The following SPATA9 variants were observed in gnomAD, a reference collection of about 807,000 sequenced individuals.
SPATA9 encodes spermatogenesis-associated protein 9.
SPATA9 carries 27 observed loss-of-function variants against 25.5 expected under a neutral mutation model. The observed-to-expected ratio is 1.06, with a 90% CI of 0.78 to 1.46. The LOEUF (loss-of-function observed/expected upper bound fraction) is 1.46, where lower values mean the gene tolerates loss of function less well. Ranked by LOEUF, SPATA9 falls within the 40% of genes most tolerant of loss-of-function variation. The pLI is 0.00. For synonymous variants in SPATA9, 102 were observed against 105.7 expected (o/e 0.97, Z 0.21); for missense variants, 282 against 297.5 (o/e 0.95, Z 0.38).
intron 4 of SPATA9, among the ~76,000 whole-genome samples, chr5:95,663,548 A>T (rs1432947911): frequency 6.6e-6 from 1 of 152,112 alleles, no homozygotes; most frequent in African/African-American, 2.4e-5. Flanking sequence ...AAAATCTTTT[A>T]TATTTTTCTC....
At chr5:95,713,648 GT>G in the SPATA9 span, 4 of 152,212 alleles carry the variant, frequency 2.6e-5, no homozygotes, top group East Asian at 7.7e-4. Context: ...TGTCTTTATA[GT>G]GTGTGAGAAG....
At chr5:95,727,132 T>C in the SPATA9 span, among the ~76,000 whole-genome samples, 3 of 152,220 alleles carry the variant, frequency 2.0e-5, no homozygotes, top group South Asian at 2.1e-4. Flanking sequence ...AAAATGAATA[T>C]GAAACTTTAA....
the SPATA9 span, chr5:95,731,169 C>T: frequency 9.9e-7 from 1 of 1,009,358 alleles, no homozygotes; most frequent in East Asian, 1.1e-4. Flanking sequence ...CCTTTGTGTC[C>T]AGCCGCCGCC....
At chr5:95,706,316 C>A in the SPATA9 span, among the ~76,000 whole-genome samples, 1 of 151,730 alleles carries the variant, frequency 6.6e-6, no homozygotes. Context: ...GGTGGATTTC[C>A]CCCTTGCTGA....
the SPATA9 span, among the ~76,000 whole-genome samples, chr5:95,723,728 C>T: frequency 6.6e-6 from 1 of 152,146 alleles, no homozygotes; most frequent in Admixed American, 6.5e-5. Flanking sequence ...CCTTTACTTC[C>T]TGTCTCGCAG....
intron 3 of SPATA9, chr5:95,674,724 T>C (rs1383564540): frequency 2.2e-6 from 1 of 456,062 alleles, no homozygotes; most frequent in East Asian, 7.0e-5. Flanking sequence ...CAGCTCTGGG[T>C]TGTTTATGGG....
chr5:95,680,576 A>G (rs960043163), intron 2 of SPATA9, among the ~76,000 whole-genome samples: 1 of 152,014 alleles, frequency 6.6e-6, no homozygotes, highest in African/African-American at 2.4e-5. Flanking sequence ...AAACAATGGC[A>G]TTGTCGGGGG....
upstream of SPATA9, chr5:95,683,029 A>T: frequency 7.9e-7 from 1 of 1,259,786 alleles, no homozygotes; most frequent in Non-Finnish European, 1.0e-6. Flanking sequence ...GGCTTCCGAG[A>T]ACCTGCTACA....
chr5:95,654,539 A>G (rs1310630307), downstream of SPATA9, among the ~76,000 whole-genome samples: 2 of 152,214 alleles, frequency 1.3e-5, no homozygotes, highest in Admixed American at 6.5e-5. Context: ...ATTATACTCT[A>G]TATCTATTCT....
upstream of SPATA9, among the ~76,000 whole-genome samples, chr5:95,703,330 G>T (rs1459292736): frequency 6.6e-6 from 1 of 152,094 alleles, no homozygotes; most frequent in African/African-American, 2.4e-5. Context: ...ATGCTACATT[G>T]TTTAAAAAAT....
chr5:95,711,071 C>A, the SPATA9 span, among the ~76,000 whole-genome samples: 1 of 152,088 alleles, frequency 6.6e-6, no homozygotes, highest in East Asian at 1.9e-4. Context: ...ACTCATCGGG[C>A]CCCTGGATGA....
intron 3 of SPATA9, among the ~76,000 whole-genome samples, chr5:95,671,653 A>C (rs990222423): frequency 6.6e-6 from 1 of 151,976 alleles, no homozygotes; most frequent in African/African-American, 2.4e-5. Flanking sequence ...CAGGTGATCC[A>C]CCACCTCAGC....
intron 4 of SPATA9, among the ~76,000 whole-genome samples, chr5:95,662,494 C>T (rs1341200227): frequency 2.6e-5 from 4 of 152,114 alleles, no homozygotes; most frequent in African/African-American, 4.8e-5. Context: ...TCAAGGTATC[C>T]TCCTGCTTCA....
intron 1 of SPATA9, among the ~76,000 whole-genome samples, chr5:95,695,467 A>C (rs1048953732): frequency 1.7e-4 from 26 of 152,200 alleles, no homozygotes; most frequent in African/African-American, 6.0e-4. Flanking sequence ...GCGTGGTGGC[A>C]CGCACCTGCA....
intron 1 of SPATA9, among the ~76,000 whole-genome samples, chr5:95,695,554 C>T (rs212997): frequency 0.57 from 86,463 of 152,008 alleles, 24,772 homozygotes; most frequent in East Asian, 0.8. Context: ...GCTGAGATTG[C>T]GCCACTGCAC....
chr5:95,731,679 G>A, the SPATA9 span: 11 of 1,613,350 alleles, frequency 6.8e-6, no homozygotes, highest in Admixed American at 1.0e-4. Context: ...TTGGATTTGA[G>A]ATCATGTACG....
the SPATA9 span, among the ~76,000 whole-genome samples, chr5:95,714,344 AGAG>A: frequency 6.6e-6 from 1 of 152,220 alleles, no homozygotes; most frequent in Non-Finnish European, 1.5e-5. Flanking sequence ...ATGTATAGCA[AGAG>A]GAGAGAAAAG....
intron 4 of SPATA9, among the ~76,000 whole-genome samples, chr5:95,662,992 A>G (rs552899244): frequency 1.3e-5 from 2 of 152,336 alleles, no homozygotes; most frequent in African/African-American, 4.8e-5. Context: ...ACCATTTTAG[A>G]AAACTCTTTG....
intron 2 of SPATA9, among the ~76,000 whole-genome samples, chr5:95,679,025 G>A (rs1753190041): frequency 6.6e-6 from 1 of 152,160 alleles, no homozygotes; most frequent in Non-Finnish European, 1.5e-5. Flanking sequence ...TTGGAAATAG[G>A]AACTCACAGC....
Sources: gnomAD v4.1 joint callset for allele counts (sites outside exome capture counted in the v4.1 genomes callset) on GRCh38, gnomAD v4.1.1 for gene constraint, MANE v1.5 for transcripts, NCBI Gene and HGNC (gene_info 2026-07-23, HGNC 2026-07-21) for gene names.